Variants in FRAS1 observed in about 807,000 individuals in gnomAD.
The protein encoded by FRAS1 is Fraser extracellular matrix complex subunit 1.
In FRAS1, 290 loss-of-function variants were observed where a neutral mutation model predicts 435.2. The observed-to-expected ratio is 0.67, with a 90% CI of 0.61 to 0.73. The LOEUF (loss-of-function observed/expected upper bound fraction) is 0.73. FRAS1 is among the 30% of genes least tolerant of loss of function. The pLI, the probability that FRAS1 is intolerant of heterozygous loss-of-function variation, is 0.00. For synonymous variants in FRAS1, 1,800 were observed against 1,851.0 expected (o/e 0.97, Z 0.71); for missense variants, 4,860 against 5,001.5 (o/e 0.97, Z 0.85).
rs372586333 is a variant in FRAS1, at chr4:78,518,585, A to G, written c.10390-746A>G. Among the ~76,000 whole-genome samples the G allele has an allele frequency of 5.3e-5, 8 of 152,072 alleles. No homozygotes were observed. In the East Asian group the frequency reaches 1.4e-3, roughly 26 times the overall value. Reference sequence around the variant, plus strand: ...TCTGCTACCATTCTGTTATCTTTCCATCCAGTTTTGTTCATTACATAGTAA... The same window carrying G: ...TCTGCTACCATTCTGTTATCTTTCCGTCCAGTTTTGTTCATTACATAGTAA... On this transcript the variant is annotated intron_variant, in intron 66 of 73. Coordinates refer to ENST00000512123, the MANE Select transcript of FRAS1 (RefSeq NM_025074.7).
At chr4:78,129,759 CTCAGTGG>C (rs1176698796) in intron 2 of FRAS1, among the ~76,000 whole-genome samples, 2 of 152,198 alleles carry the variant, frequency 1.3e-5, no homozygotes, top group Middle Eastern at 3.2e-3. Context: ...GCCTAAAACT[CTCAGTGG>C]TCCCTCATTG....
chr4:78,219,081 G>GT (rs1723931230), intron 2 of FRAS1, among the ~76,000 whole-genome samples: 1 of 152,004 alleles, frequency 6.6e-6, no homozygotes, highest in African/African-American at 2.4e-5. Flanking sequence ...TCTTTTGCTG[G>GT]TTTTTTTCTT....
intron 14 of FRAS1, among the ~76,000 whole-genome samples, chr4:78,287,294 C>T (rs975965526): frequency 2.6e-5 from 4 of 152,154 alleles, no homozygotes; most frequent in Admixed American, 6.5e-5. Flanking sequence ...GTCCCTCCCT[C>T]GACACGTGGG....
chr4:78,528,231 G>A (rs186979754), intron 70 of FRAS1, among the ~76,000 whole-genome samples: 26 of 152,222 alleles, frequency 1.7e-4, no homozygotes, highest in Middle Eastern at 3.4e-3. Context: ...CAGATCAGGC[G>A]GTGTGGAACT....
chr4:78,065,898 A>T (rs1480599487), intron 1 of FRAS1, 87 bp from the exon 2 acceptor site: 48 of 940,840 alleles, frequency 5.1e-5, no homozygotes, highest in Non-Finnish European at 7.8e-5. Flanking sequence ...ATGCATATAG[A>T]TGCAGTTTTA....
At position 78,245,325 on chromosome 4, in the gene FRAS1, G is replaced by C. The variant is rs746447353; in HGVS notation, c.309G>C (p.Glu103Asp). ...GSCHHEKKIH[E>D]HGTEWASSPC... is the part of the protein sequence containing the mutation. ...GCCATCATGAAAAGAAAATCCATGA[G>C]GTAAGTGTTTTCTGACTCACGGTTG... Residue 103 changes from glutamate (E) to aspartate (D), a missense_variant and splice_region_variant, in exon 4 of 74, where the codon GAG becomes GAC. Coordinates refer to ENST00000512123, the MANE Select transcript of FRAS1 (RefSeq NM_025074.7). The C allele has an allele frequency of 1.3e-6, 2 of 1,590,484 alleles. No individual in the cohort carries two copies. Among genetic ancestry groups the C allele is most frequent in the South Asian group, 1.1e-5 (1 of 87,996 alleles).
At chr4:78,440,328 G>A (rs1315898672) in intron 40 of FRAS1, among the ~76,000 whole-genome samples, 3 of 152,080 alleles carry the variant, frequency 2.0e-5, no homozygotes, top group Admixed American at 6.5e-5. Flanking sequence ...CACCGGGCCC[G>A]GCCAAACTAA....
At position 78,422,004 on chromosome 4, in the gene FRAS1, A is replaced by G. The variant is rs1733809348; in HGVS notation, c.4678+4A>G. On this transcript the variant is annotated splice_donor_region_variant and intron_variant, in intron 34 of 73. Transcript: ENST00000512123. Reference sequence around the variant, plus strand: ...CTCATGGCCTTCTCGTTCGCTGGTAATGCTCTCCTCTCTGCTTTGAGGCAC... The same window carrying G: ...CTCATGGCCTTCTCGTTCGCTGGTAGTGCTCTCCTCTCTGCTTTGAGGCAC... The G allele has an allele frequency of 2.5e-6, 4 of 1,607,858 alleles. No individual in the cohort carries two copies. The highest frequency in any genetic ancestry group is 2.5e-6 in the Non-Finnish European group (3 of 1,176,698).
At chr4:78,444,090 A>G (rs1224290110) in intron 41 of FRAS1, 2 of 440,026 alleles carry the variant, frequency 4.5e-6, no homozygotes, top group Non-Finnish European at 9.0e-6. Context: ...CCTGGGCTCA[A>G]GCAATCCTCC....
At chr4:78,437,483 T>C (rs1192812539) in intron 38 of FRAS1, among the ~76,000 whole-genome samples, 1 of 152,236 alleles carries the variant, frequency 6.6e-6, no homozygotes, top group Non-Finnish European at 1.5e-5. Flanking sequence ...TAGATTCCTT[T>C]CTTGCTAGTG....
At chr4:78,115,028 T>C (rs1317192719) in intron 2 of FRAS1, among the ~76,000 whole-genome samples, 1 of 152,116 alleles carries the variant, frequency 6.6e-6, no homozygotes, top group African/African-American at 2.4e-5. Context: ...TATTGAGAGT[T>C]TTTAGCATGA....
rs454598 is a variant in FRAS1, at chr4:78,340,591, C to G, written c.2422+2774C>G. On this transcript the variant is annotated intron_variant, in intron 20 of 73. Coordinates refer to ENST00000512123, the MANE Select transcript of FRAS1 (RefSeq NM_025074.7). ...AAGACAAATCAAATATGGAGCTTGCCTACAAGAAATGGACTCTTTAGTGAA... is the reference window on the plus strand; with the variant it reads ...AAGACAAATCAAATATGGAGCTTGCGTACAAGAAATGGACTCTTTAGTGAA... Among the ~76,000 whole-genome samples the G allele has an allele frequency of 1.3e-4, 20 of 152,228 alleles. No individual in the cohort carries two copies. In the South Asian group the frequency reaches 3.5e-3, roughly 27 times the overall value.
At chr4:78,437,207 C>T (rs1471062670) in intron 38 of FRAS1, among the ~76,000 whole-genome samples, 1 of 152,118 alleles carries the variant, frequency 6.6e-6, no homozygotes, top group Non-Finnish European at 1.5e-5. Flanking sequence ...GTGTTTTGGT[C>T]AAATTTGTCA....
At position 78,515,823 on chromosome 4, in the gene FRAS1, T is replaced by A; in HGVS notation, c.10199T>A (p.Val3400Asp). The change falls in exon 66 of 74, where the codon GTC becomes GAC. Residue 3400 changes from valine to aspartate, a missense_variant. Physicochemically the swap from Val to Asp is radical, Grantham distance 152. Transcript: ENST00000512123. ...GAGGCAGGGTTCCTGGATGATGTGG[T>A]CTATGATAGCACTGCCCTGGGGCCT... is the stretch of plus-strand genomic sequence containing the variant. ...ISEAGFLDDV[V>D]YDSTALGPGY... 1 of 1,613,970 alleles carries A rather than the reference T, an allele frequency of 6.2e-7. No individual in the cohort carries two copies. Among genetic ancestry groups the A allele is most frequent in the South Asian group, 1.1e-5 (1 of 91,078 alleles).
chr4:78,127,972 G>A (rs753393453), intron 2 of FRAS1, among the ~76,000 whole-genome samples: 32 of 142,758 alleles, frequency 2.2e-4, no homozygotes, highest in South Asian at 6.6e-4. Context: ...CTCATTGTTC[G>A]ATTCCCACCT....
At chr4:78,286,099 A>G (rs1365011363) in intron 13 of FRAS1, among the ~76,000 whole-genome samples, 2 of 152,176 alleles carry the variant, frequency 1.3e-5, no homozygotes, top group African/African-American at 2.4e-5. Context: ...TGCCAGCCTC[A>G]TGTGACCATG....
At chr4:78,293,271 T>A (rs1413681620) in intron 14 of FRAS1, among the ~76,000 whole-genome samples, 1 of 152,238 alleles carries the variant, frequency 6.6e-6, no homozygotes. Context: ...GGCAGGGACA[T>A]GCCGTATACT....
At chr4:78,438,527 T>C (rs1335515545) in intron 38 of FRAS1, 43 bp from the exon 39 acceptor site, 9 of 1,609,894 alleles carry the variant, frequency 5.6e-6, no homozygotes, top group Admixed American at 3.4e-5. Context: ...TGTTTATTCC[T>C]GCAAATGTGC....
At chr4:78,149,365 AT>A (rs1359256860) in intron 2 of FRAS1, among the ~76,000 whole-genome samples, 1 of 152,198 alleles carries the variant, frequency 6.6e-6, no homozygotes, top group Non-Finnish European at 1.5e-5. Flanking sequence ...TATTATAAAA[AT>A]TATTATAAGG....
Sources: allele counts gnomAD v4.1 joint callset (sites outside exome capture counted in the v4.1 genomes callset), GRCh38; gene constraint gnomAD v4.1.1; transcripts MANE v1.5; gene names NCBI Gene and HGNC (gene_info 2026-07-23, HGNC 2026-07-21).